Variants in GPSM1 observed in about 807,000 individuals in gnomAD.
GPSM1 encodes the protein G protein-signaling modulator 1.
A neutral mutation model predicts 70.5 loss-of-function variants in GPSM1; 48 were observed. That is an observed-to-expected ratio of 0.68 (90% CI 0.54 to 0.87). GPSM1 has a LOEUF of 0.87. Among genes scored for constraint, GPSM1 ranks in the 40% least tolerant of loss-of-function variants. The pLI, the probability that GPSM1 is intolerant of heterozygous loss-of-function variation, is 0.00. For missense variants in GPSM1, 981 were observed against 972.6 expected (o/e 1.01, Z -0.11); for synonymous variants, 416 against 430.1 (o/e 0.97, Z 0.41).
At chr9:136,345,611 C>G (rs1832504308) in intron 9 of GPSM1, among the ~76,000 whole-genome samples, 1 of 152,196 alleles carries the variant, frequency 6.6e-6, no homozygotes, top group African/African-American at 2.4e-5. Flanking sequence ...GTGCCGGGCC[C>G]AGGACCCGGA....
rs887910626 is a variant in GPSM1, at chr9:136,342,218, T to A, written c.1207+1225T>A. Among the ~76,000 whole-genome samples, 1 of 152,006 alleles carries A rather than the reference T, an allele frequency of 6.6e-6. No individual in the cohort carries two copies. The highest frequency in any genetic ancestry group is 1.5e-5 in the Non-Finnish European group (1 of 67,984). ...AAGGGTGGGGAGCTCTGCCGAGAGC[T>A]CCTGCGGCACCCCTAGTACCCTCCT... On this transcript the variant is annotated intron_variant, in intron 9 of 13. Coordinates refer to ENST00000440944, the MANE Select transcript of GPSM1 (RefSeq NM_001145638.3). This position sits in a 1 kb window ranked among gnomAD's most constrained non-coding sequence, Gnocchi z 5.5.
At chr9:136,349,868 C>T (rs911387806) in intron 11 of GPSM1, 105 bp downstream of exon 11, 27 of 1,141,862 alleles carry the variant, frequency 2.4e-5, no homozygotes, top group African/African-American at 4.7e-5. Flanking sequence ...CCGGGCACTC[C>T]GGGGAGGCAG....
rs921704676 is a variant in GPSM1, at chr9:136,340,823, A to G, written c.1084-47A>G. ...TTAAGGTCCCCTTGGAGCCCACAGC[A>G]GGGCCCCCAGCCACACCTGCCCGCT... On this transcript the variant is annotated intron_variant, in intron 8 of 13. Transcript: ENST00000440944. This position sits in a 1 kb window ranked among gnomAD's most constrained non-coding sequence, Gnocchi z 7.3. 7.9e-6 allele frequency: 12 copies of G among 1,522,658 alleles called. No homozygotes were observed. The African/African-American group carries it at 1.5e-4, about 19-fold the overall frequency. The allele number at this position is 1,522,658 out of a possible 1,614,324, so 94.3% of individuals were successfully genotyped here.
chr9:136,335,021 G>T (rs1455104315), intron 2 of GPSM1, among the ~76,000 whole-genome samples: 1 of 152,212 alleles, frequency 6.6e-6, no homozygotes, highest in East Asian at 1.9e-4. Flanking sequence ...TGGGACCCCG[G>T]CAGGGAGCTG....
chr9:136,343,933 G>A lies in GPSM1; in HGVS notation c.1207+2940G>A, dbSNP rs1832455377. Among the ~76,000 whole-genome samples the A allele has an allele frequency of 6.6e-6, 1 of 152,176 alleles. No homozygotes were observed. The highest frequency in any genetic ancestry group is 2.4e-5 in the African/African-American group (1 of 41,428). ...GACAGTGTGTGGGAAATGGCACACA[G>A]GGTCCCGCACGCAGCAGATACACAG... On this transcript the variant is annotated intron_variant, in intron 9 of 13. Coordinates refer to ENST00000440944, the MANE Select transcript of GPSM1 (RefSeq NM_001145638.3). This position sits in a 1 kb window ranked among gnomAD's most constrained non-coding sequence, Gnocchi z 6.0.
chr9:136,337,137 C>A (rs1832260608), intron 4 of GPSM1, 65 bp downstream of exon 4: 2 of 1,398,612 alleles, frequency 1.4e-6, no homozygotes, highest in Non-Finnish European at 1.9e-6. Flanking sequence ...TCCACAGACA[C>A]TTCCAGACCC....
Position 136,341,404 on chromosome 9 carries a change from C to G in GPSM1, c.1207+411C>G, listed in dbSNP as rs1224282241. On this transcript the variant is annotated intron_variant, in intron 9 of 13. Transcript: ENST00000440944. The surrounding 1 kb of genome is among the most constrained non-coding windows in gnomAD (Gnocchi z 6.7). ...GCTGGGCTGGGCTGGGCTGTGGGAG[C>G]CCTATGTGCCTGGGGCAGTAATCAG... is the stretch of plus-strand genomic sequence containing the variant. 3.5e-6 allele frequency: 5 copies of G among 1,421,002 alleles called. No individual in the cohort carries two copies. The highest frequency in any genetic ancestry group is 4.6e-6 in the Non-Finnish European group (5 of 1,092,370). The allele number at this position is 1,421,002 out of a possible 1,614,324, so 88.0% of individuals were successfully genotyped here.
At position 136,340,645 on chromosome 9, in the gene GPSM1, G is replaced by C. The variant is rs782252511; in HGVS notation, c.1084-225G>C. On this transcript the variant is annotated intron_variant, in intron 8 of 13. Coordinates refer to ENST00000440944, the MANE Select transcript of GPSM1 (RefSeq NM_001145638.3). This position sits in a 1 kb window ranked among gnomAD's most constrained non-coding sequence, Gnocchi z 7.3. ...CCAAGCATCTCTGGGGTGAACTAGG[G>C]GCTGTTGAGGACCTGTGGGGCCACC... Among the ~76,000 whole-genome samples the C allele has an allele frequency of 3.3e-5, 5 of 152,052 alleles. No individual in the cohort carries two copies. Among genetic ancestry groups the C allele is most frequent in the Admixed American group, 6.5e-5 (1 of 15,276 alleles).
At chr9:136,355,551 G>A (rs971881528) in intron 11 of GPSM1, 139 bp from the exon 12 acceptor site, 3 of 687,030 alleles carry the variant, frequency 4.4e-6, no homozygotes, top group Admixed American at 2.8e-5. Context: ...TGGGGGAGGG[G>A]TAGCCGACAG....
At chr9:136,351,920 C>G (rs944898555) in intron 11 of GPSM1, among the ~76,000 whole-genome samples, 1 of 151,888 alleles carries the variant, frequency 6.6e-6, no homozygotes, top group Non-Finnish European at 1.5e-5. Context: ...GGGACTGCAG[C>G]GAGGGTGGGT....
chr9:136,331,476 G>A (rs973441913), intron 1 of GPSM1, among the ~76,000 whole-genome samples: 29 of 151,910 alleles, frequency 1.9e-4, no homozygotes, highest in African/African-American at 5.3e-4. Context: ...CTGGAGAACC[G>A]GTAGGCGGCC....
chr9:136,355,780 C>A lies in GPSM1; in HGVS notation c.1546C>A (p.Pro516Thr), dbSNP rs1554772896. 1 of 1,612,088 alleles carries A rather than the reference C, an allele frequency of 6.2e-7. No homozygotes were observed. The highest frequency in any genetic ancestry group is 1.3e-5 in the African/African-American group (1 of 75,018). ...CAGCCGCATGGACGACCAGCGTTGTCCCCTGGACGATGGCCAGGCCGGGGC... is the reference window on the plus strand; with the variant it reads ...CAGCCGCATGGACGACCAGCGTTGTACCCTGGACGATGGCCAGGCCGGGGC... ...QSSRMDDQRC[P>T]LDDGQAGAAE... Residue 516 changes from proline (P) to threonine (T), a missense_variant, in exon 12 of 14, where the codon CCC (proline) becomes ACC (threonine). Pro to Thr is a conservative substitution (Grantham distance 38). Coordinates refer to ENST00000440944, the MANE Select transcript of GPSM1 (RefSeq NM_001145638.3).
Position 136,358,365 on chromosome 9 carries a change from C to T in GPSM1, c.*145C>T. 1 of 757,718 alleles carries T rather than the reference C, an allele frequency of 1.3e-6. No homozygotes were observed. Among genetic ancestry groups the T allele is most frequent in the Non-Finnish European group, 2.1e-6 (1 of 475,908 alleles). 46.9% of individuals were successfully genotyped at this position (757,718 alleles called of 1,614,324 possible). A position where few individuals can be genotyped will look rare whatever the true frequency, so the allele number is the denominator to read the frequency against. ...CCTCCCCGACCCAGGGCGACAGGCTCAGGCCAAGCTGCCCGTGGTGGGAGG... is the reference window on the plus strand; with the variant it reads ...CCTCCCCGACCCAGGGCGACAGGCTTAGGCCAAGCTGCCCGTGGTGGGAGG... On this transcript the variant is annotated 3_prime_UTR_variant, in exon 14 of 14. Coordinates refer to ENST00000440944, the MANE Select transcript of GPSM1 (RefSeq NM_001145638.3).
chr9:136,337,561 G>A lies in GPSM1; in HGVS notation c.699G>A (p.Lys233=). Residue 233 remains lysine (K), a synonymous_variant, in exon 5 of 14, where the codon AAG becomes AAA. Transcript: ENST00000440944. ...GNFTEATTFH[K]ERLAIAKEFG... is the part of the protein sequence containing the mutation. ...TCACAGAGGCCACGACCTTCCACAA[G>A]GAGGTGAGCCGGGCAGGGTGACAGG... 6.4e-7 allele frequency: 1 copy of A among 1,556,676 alleles called. No homozygotes were observed. The highest frequency in any genetic ancestry group is 8.7e-7 in the Non-Finnish European group (1 of 1,150,184).
At chr9:136,350,019 T>G (rs1006068330) in intron 11 of GPSM1, among the ~76,000 whole-genome samples, 1 of 152,198 alleles carries the variant, frequency 6.6e-6, no homozygotes, top group African/African-American at 2.4e-5. Flanking sequence ...GACTCTAGGC[T>G]GGGCTCTTCT....
intron 11 of GPSM1, chr9:136,354,888 G>C: frequency 2.0e-6 from 2 of 1,013,970 alleles, no homozygotes; most frequent in South Asian, 7.4e-5. Context: ...GGCACGGGAG[G>C]CTTCCCGGGA....
chr9:136,345,493 C>G (rs1588700334), intron 9 of GPSM1, among the ~76,000 whole-genome samples: 1 of 152,244 alleles, frequency 6.6e-6, no homozygotes, highest in Non-Finnish European at 1.5e-5. Context: ...GGCGCCCGCC[C>G]TGGGGCCAGA....
chr9:136,338,001 G>A (rs782214248), intron 6 of GPSM1, 40 bp downstream of exon 6: 12 of 1,303,616 alleles, frequency 9.2e-6, no homozygotes, highest in African/African-American at 2.9e-5. Context: ...ACAGCAGGCC[G>A]GGGGGGCTGG....
chr9:136,349,724 G>T lies in GPSM1; in HGVS notation c.1416G>T (p.Pro472=). ...GGCCCCGGGAGGGCAGCCACTCCCC[G>T]CTGGACAGCGCCGACGTCCGGGTGC... The part of the protein sequence containing the change: ...ERRPREGSHS[P]LDSADVRVHV... The change falls in exon 11 of 14, where the codon CCG becomes CCT. Residue 472 remains proline (P), a synonymous_variant. Coordinates refer to ENST00000440944, the MANE Select transcript of GPSM1 (RefSeq NM_001145638.3). 6.3e-7 allele frequency: 1 copy of T among 1,577,444 alleles called. No homozygotes were observed. The highest frequency in any genetic ancestry group is 8.6e-7 in the Non-Finnish European group (1 of 1,162,878).
Sources: allele counts gnomAD v4.1 joint callset (sites outside exome capture counted in the v4.1 genomes callset), GRCh38; gene constraint gnomAD v4.1.1; non-coding constraint Gnocchi (gnomAD v3.1); transcripts MANE v1.5; gene names NCBI Gene and HGNC (gene_info 2026-07-23, HGNC 2026-07-21).